KIF13B: variants seen among roughly 807,000 people sequenced by gnomAD.
KIF13B encodes kinesin-like protein KIF13B.
Under a neutral mutation model 222.0 loss-of-function variants are expected in KIF13B, and 127 were observed. The observed-to-expected ratio is 0.57, with a 90% CI of 0.50 to 0.66. KIF13B has a LOEUF of 0.66. Among genes scored for constraint, KIF13B ranks in the 30% least tolerant of loss-of-function variants. The probability of loss-of-function intolerance (pLI) is 0.00; values close to 1 mark genes in which losing one functional copy is unlikely to be tolerated. For missense variants in KIF13B, 2,173 were observed against 2,379.0 expected (o/e 0.91, Z 1.80); for synonymous variants, 976 against 919.0 (o/e 1.06, Z -1.12).
At chr8:29,127,101 A>G (rs1810146334) in intron 25 of KIF13B, 21 bp downstream of exon 25, 11 of 1,610,850 alleles carry the variant, frequency 6.8e-6, no homozygotes, top group African/African-American at 1.3e-5. Flanking sequence ...CAAGAAGAAC[A>G]TAACAGGTAT....
intron 13 of KIF13B, among the ~76,000 whole-genome samples, chr8:29,158,301 A>G (rs1811627274): frequency 6.6e-6 from 1 of 152,214 alleles, no homozygotes; most frequent in Non-Finnish European, 1.5e-5. Context: ...AGGCATTAAA[A>G]AAATATAAAA....
chr8:29,105,848 G>C (rs552056433), intron 35 of KIF13B, among the ~76,000 whole-genome samples: 2 of 151,374 alleles, frequency 1.3e-5, no homozygotes, highest in Non-Finnish European at 2.9e-5. Flanking sequence ...TAGTAGAGAC[G>C]GGGTTTCACC....
At chr8:29,081,065 G>A (rs945029215) in intron 37 of KIF13B, among the ~76,000 whole-genome samples, 2 of 152,174 alleles carry the variant, frequency 1.3e-5, no homozygotes, top group Non-Finnish European at 2.9e-5. Context: ...ACGCTGGCAG[G>A]TCCTGCATGG....
chr8:29,227,456 AT>A (rs1364728972), intron 2 of KIF13B, among the ~76,000 whole-genome samples: 3 of 152,052 alleles, frequency 2.0e-5, no homozygotes, highest in African/African-American at 7.3e-5. Flanking sequence ...CACCCGGCTA[AT>A]TTTTGTATTT....
At chr8:29,236,871 A>G (rs1263365210) in intron 2 of KIF13B, among the ~76,000 whole-genome samples, 1 of 152,174 alleles carries the variant, frequency 6.6e-6, no homozygotes, top group Non-Finnish European at 1.5e-5. Flanking sequence ...TGCAAAATCT[A>G]ACAAGATGCA....
intron 36 of KIF13B, among the ~76,000 whole-genome samples, chr8:29,093,998 C>T (rs914757148): frequency 6.6e-6 from 1 of 152,152 alleles, no homozygotes; most frequent in Non-Finnish European, 1.5e-5. Flanking sequence ...AAAAAAATTA[C>T]AATCTAGAGT....
chr8:29,157,142 T>G lies in KIF13B; in HGVS notation c.1405-1286A>C, dbSNP rs1169418921. Reference sequence around the variant, plus strand: ...TGTGATCCCCACCTCCATGACTACATCCTAGATTCAGCCTCCAGGATCTCT... The same window carrying G: ...TGTGATCCCCACCTCCATGACTACAGCCTAGATTCAGCCTCCAGGATCTCT... On this transcript the variant is annotated intron_variant, in intron 13 of 39. Coordinates refer to ENST00000524189, the MANE Select transcript of KIF13B (RefSeq NM_015254.4). Among the ~76,000 whole-genome samples the G allele has an allele frequency of 2.6e-5, 4 of 151,944 alleles. No homozygotes were observed. The South Asian group carries it at 8.3e-4, about 32-fold the overall frequency.
chr8:29,179,146 C>CA (rs1160638356), intron 8 of KIF13B, among the ~76,000 whole-genome samples: 1 of 149,448 alleles, frequency 6.7e-6, no homozygotes, highest in Admixed American at 6.7e-5. Context: ...TTTTTTGAGA[C>CA]AGAGTCTTGC....
Position 29,072,272 on chromosome 8 carries a change from C to T in KIF13B, c.4566G>A (p.Gly1522=). The T allele has an allele frequency of 1.4e-6, 2 of 1,471,598 alleles. No individual in the cohort carries two copies. Among genetic ancestry groups the T allele is most frequent in the Non-Finnish European group, 9.0e-7 (1 of 1,112,872 alleles). The allele number at this position is 1,471,598 out of a possible 1,614,324, so 91.2% of individuals were successfully genotyped here. A position where few individuals can be genotyped will look rare whatever the true frequency, so the allele number is the denominator to read the frequency against. Reference sequence around the variant, plus strand: ...TGTCGCAGATCTTCAAGGCCGGGGCCCCCATCGTCTGCACCAGCACGTCAG... The same window carrying T: ...TGTCGCAGATCTTCAAGGCCGGGGCTCCCATCGTCTGCACCAGCACGTCAG... ...MGPDVLVQTM[G]APALKICDKP... The change falls in exon 39 of 40, where the codon GGG becomes GGA. Residue 1522 remains glycine (G), a synonymous_variant. Coordinates refer to ENST00000524189, the MANE Select transcript of KIF13B (RefSeq NM_015254.4).
chr8:29,237,839 A>G (rs944171719), intron 2 of KIF13B, among the ~76,000 whole-genome samples: 6 of 152,196 alleles, frequency 3.9e-5, no homozygotes, highest in Non-Finnish European at 7.3e-5. Flanking sequence ...ATTCATCTTC[A>G]CAAGTATATT....
chr8:29,186,465 T>C lies in KIF13B; in HGVS notation c.324A>G (p.Gly108=), dbSNP rs770459211. 1 of 1,601,142 alleles carries C rather than the reference T, an allele frequency of 6.2e-7. No homozygotes were observed. Among genetic ancestry groups the C allele is most frequent in the Non-Finnish European group, 8.5e-7 (1 of 1,176,584 alleles). Residue 108 remains glycine, a synonymous_variant, in exon 6 of 40, where the codon GGA becomes GGG. Transcript: ENST00000524189. ...CTGTGCCCATCATGGTATAAGATTT[T>C]CCAGAGCCTAAAAAAATGGAAATCA... The part of the protein sequence containing the change: ...CIFAYGQTGS[G]KSYTMMGTAD...
intron 3 of KIF13B, among the ~76,000 whole-genome samples, chr8:29,192,905 A>G (rs7815864): frequency 0.85 from 128,867 of 150,964 alleles, 55,638 homozygotes; most frequent in Non-Finnish European, 0.9. Flanking sequence ...AAATAGTTCC[A>G]ATGAAACTGA....
intron 37 of KIF13B, among the ~76,000 whole-genome samples, chr8:29,081,924 T>C (rs1398307535): frequency 6.6e-6 from 1 of 152,266 alleles, no homozygotes; most frequent in Non-Finnish European, 1.5e-5. Flanking sequence ...TTACTAAAAG[T>C]ACATGTTTAA....
chr8:29,165,022 GTT>G (rs1349336405), intron 12 of KIF13B, among the ~76,000 whole-genome samples: 2 of 152,146 alleles, frequency 1.3e-5, no homozygotes, highest in Non-Finnish European at 2.9e-5. Flanking sequence ...TAATTTTTGT[GTT>G]TTTGGTAGAA....
At chr8:29,261,597 G>A (rs919727030) in intron 1 of KIF13B, among the ~76,000 whole-genome samples, 2 of 152,150 alleles carry the variant, frequency 1.3e-5, no homozygotes, top group Non-Finnish European at 2.9e-5. Context: ...ACAGATACCT[G>A]AATATTTAAA....
Position 29,071,573 on chromosome 8 carries a change from C to T in KIF13B, c.5218+47G>A, listed in dbSNP as rs1233513758. ...CCCAGGCCGGCCACGTTCCTGCTTC[C>T]CCAGACCCCCGGCACCACCCTGGAG... On this transcript the variant is annotated intron_variant, in intron 39 of 39. Transcript: ENST00000524189. This position sits in a 1 kb window ranked among gnomAD's most constrained non-coding sequence, Gnocchi z 4.9. 12 of 1,504,154 alleles carry T rather than the reference C, an allele frequency of 8.0e-6. No homozygotes were observed. The highest frequency in any genetic ancestry group is 1.1e-5 in the Non-Finnish European group (12 of 1,113,418). 93.2% of individuals were successfully genotyped at this position (1,504,154 alleles called of 1,614,324 possible). A position where few individuals can be genotyped will look rare whatever the true frequency, so the allele number is the denominator to read the frequency against.
chr8:29,167,526 A>G lies in KIF13B; in HGVS notation c.1005T>C (p.Asp335=), dbSNP rs191042468. Residue 335 remains aspartate, a synonymous_variant, in exon 11 of 40, where the codon GAT becomes GAC. Coordinates refer to ENST00000524189, the MANE Select transcript of KIF13B (RefSeq NM_015254.4). ...GAGTTGAGAGGGTTTCATCATAGTT[A>G]TCAGCTGCAGGACTCACAGTAGCCA... ...AMVATVSPAA[D]NYDETLSTLR... is the part of the protein sequence containing the mutation. 1.2e-6 allele frequency: 2 copies of G among 1,614,070 alleles called. No homozygotes were observed. Among genetic ancestry groups the G allele is most frequent in the Admixed American group, 1.7e-5 (1 of 60,032 alleles).
intron 1 of KIF13B, among the ~76,000 whole-genome samples, chr8:29,256,740 TTAC>T (rs1192245157): frequency 3.4e-5 from 5 of 145,154 alleles, no homozygotes; most frequent in Admixed American, 1.4e-4. Flanking sequence ...AATGCTACAA[TTAC>T]TACTTTTTTT....
chr8:29,123,663 C>T (rs1196750988), intron 27 of KIF13B, among the ~76,000 whole-genome samples, 171 bp from the exon 28 acceptor site: 2 of 152,214 alleles, frequency 1.3e-5, no homozygotes, highest in Non-Finnish European at 2.9e-5. Context: ...GCAGAGAGGC[C>T]ATCTTCAGTT....
Sources: allele counts gnomAD v4.1 joint callset (sites outside exome capture counted in the v4.1 genomes callset), GRCh38; gene constraint gnomAD v4.1.1; non-coding constraint Gnocchi (gnomAD v3.1); transcripts MANE v1.5; gene names NCBI Gene and HGNC (gene_info 2026-07-23, HGNC 2026-07-21).